GNB5: variants seen among roughly 807,000 people sequenced by gnomAD.
GNB5 encodes G protein subunit beta 5.
GNB5 carries 37 observed loss-of-function variants against 55.3 expected under a neutral mutation model. That is an observed-to-expected ratio of 0.67 (90% CI 0.51 to 0.88). GNB5 has a LOEUF of 0.88. Among genes scored for constraint, GNB5 ranks in the 40% least tolerant of loss-of-function variants. The pLI, the probability that GNB5 is intolerant of heterozygous loss-of-function variation, is 0.00. For missense variants in GNB5, 476 were observed against 515.3 expected (o/e 0.92, Z 0.74); for synonymous variants, 219 against 198.5 (o/e 1.10, Z -0.87).
chr15:52,174,842 G>C (rs894814175), intron 3 of GNB5, among the ~76,000 whole-genome samples: 6 of 152,154 alleles, frequency 3.9e-5, no homozygotes, highest in Non-Finnish European at 7.3e-5. Flanking sequence ...AGAACTTTGG[G>C]AGGCTGAGGC....
chr15:52,173,681 TGAG>T (rs2141234139), intron 3 of GNB5, among the ~76,000 whole-genome samples: 1 of 152,304 alleles, frequency 6.6e-6, no homozygotes, highest in South Asian at 2.1e-4. Context: ...TCTAGCATGG[TGAG>T]GAGGACAGCT....
intron 9 of GNB5, among the ~76,000 whole-genome samples, chr15:52,129,620 G>A (rs2033523470): frequency 6.6e-6 from 1 of 152,196 alleles, no homozygotes; most frequent in Non-Finnish European, 1.5e-5. Flanking sequence ...CATGGGCTAT[G>A]ATTTCCTTCT....
At chr15:52,180,733 TTC>T (rs1380987361) in intron 2 of GNB5, 23 of 152,226 alleles carry the variant, frequency 1.5e-4, no homozygotes, top group Non-Finnish European at 2.8e-4. Flanking sequence ...GTTTAGCGAC[TTC>T]TGTCAGACTG....
intron 1 of GNB5, among the ~76,000 whole-genome samples, chr15:52,189,324 G>A (rs979174058): frequency 2.0e-5 from 3 of 152,174 alleles, no homozygotes; most frequent in Non-Finnish European, 4.4e-5. Flanking sequence ...CTGGCTGGGC[G>A]TGGTGGCTCA....
In GNB5 at chr15:52,182,803, T is replaced by C. The variant is rs59792025; in HGVS notation, c.126+1748A>G. ...AGTAGAGATTGTATTAAAGTAATTG[T>C]GGTTTTTGCCATTGCTTTCAATTGA... On this transcript the variant is annotated intron_variant, in intron 2 of 12. Coordinates refer to ENST00000261837, the MANE Select transcript of GNB5 (RefSeq NM_016194.4). Among the ~76,000 whole-genome samples the C allele has an allele frequency of 3.1e-3, 471 of 152,302 alleles. 1 individual carries two copies. Among genetic ancestry groups the C allele is most frequent in the African/African-American group, 0.011 (449 of 41,568 alleles).
In GNB5 at chr15:52,164,239, CAG is replaced by C. The variant is rs1389256606; in HGVS notation, c.239-10165_239-10164del. On this transcript the variant is annotated intron_variant, in intron 3 of 12. Transcript: ENST00000261837. ...AGGAGAATCGCTTGAACCTGGGAGG[CAG>C]AGGTTGCAGTGAGCCGAGATGGTGC... is the stretch of plus-strand genomic sequence containing the variant. Among the ~76,000 whole-genome samples, 4 of 143,674 alleles carry C rather than the reference CAG, an allele frequency of 2.8e-5. No individual in the cohort carries two copies. The East Asian group carries it at 8.3e-4, about 30-fold the overall frequency. The allele number at this position is 143,674 out of a possible 152,430, so 94.3% of individuals were successfully genotyped here.
intron 7 of GNB5, chr15:52,137,444 T>A: frequency 9.8e-7 from 1 of 1,018,954 alleles, no homozygotes; most frequent in Non-Finnish European, 1.2e-6. Flanking sequence ...GTGAGCCCGT[T>A]CACAGGTGGG....
At chr15:52,134,436 ATG>A (rs141287992) in intron 8 of GNB5, among the ~76,000 whole-genome samples, 4,639 of 152,268 alleles carry the variant, frequency 0.03, 248 homozygotes, top group African/African-American at 0.11. Flanking sequence ...TTTACTGAAA[ATG>A]TGGGCAAAGA....
intron 2 of GNB5, among the ~76,000 whole-genome samples, chr15:52,181,399 T>C (rs1051829650): frequency 2.0e-5 from 3 of 152,202 alleles, no homozygotes; most frequent in African/African-American, 4.8e-5. Context: ...GTGTATCACC[T>C]GAGGTCAGGA....
chr15:52,174,135 A>G (rs575792684), intron 3 of GNB5, among the ~76,000 whole-genome samples: 2 of 152,322 alleles, frequency 1.3e-5, no homozygotes, highest in East Asian at 3.9e-4. Flanking sequence ...GAATCACGTG[A>G]GCCTTGGGCC....
At chr15:52,150,400 G>A (rs2034067384) in intron 4 of GNB5, among the ~76,000 whole-genome samples, 1 of 151,970 alleles carries the variant, frequency 6.6e-6, no homozygotes, top group African/African-American at 2.4e-5. Context: ...GGTCCCTGCG[G>A]CACCATCCAG....
At chr15:52,173,048 C>T (rs549973886) in intron 3 of GNB5, among the ~76,000 whole-genome samples, 2 of 152,020 alleles carry the variant, frequency 1.3e-5, no homozygotes, top group South Asian at 4.1e-4. Flanking sequence ...CTTAGCCTAG[C>T]TCACTGTTGT....
At chr15:52,179,494 T>TCC (rs1352954977) in intron 3 of GNB5, among the ~76,000 whole-genome samples, 1 of 151,270 alleles carries the variant, frequency 6.6e-6, no homozygotes, top group Non-Finnish European at 1.5e-5. Flanking sequence ...AGGCAGGTGA[T>TCC]GAGGATAGCT....
At chr15:52,180,262 C>T in intron 2 of GNB5, 1 of 156,912 alleles carries the variant, frequency 6.4e-6, no homozygotes, top group Non-Finnish European at 1.4e-5. Flanking sequence ...ACCGGTGAGG[C>T]CCCCGCGACA....
At chr15:52,126,496 T>C (rs1409216741) in intron 10 of GNB5, among the ~76,000 whole-genome samples, 6 of 152,198 alleles carry the variant, frequency 3.9e-5, no homozygotes, top group African/African-American at 1.4e-4. Flanking sequence ...GGATGTTTCA[T>C]TATTGCTTTT....
At chr15:52,181,337 C>T (rs2141241539) in intron 2 of GNB5, 1 of 152,244 alleles carries the variant, frequency 6.6e-6, no homozygotes. Flanking sequence ...TGGTGTGGGC[C>T]GGGTGCGGTG....
chr15:52,175,741 A>AAAAC (rs34147035), intron 3 of GNB5, among the ~76,000 whole-genome samples: 134,980 of 149,268 alleles, frequency 0.9, 61,527 homozygotes, highest in Non-Finnish European at 0.96. Flanking sequence ...TCCGTCTCAA[A>AAAAC]AAACAAACAA....
chr15:52,169,285 A>G (rs2034508658), intron 3 of GNB5, among the ~76,000 whole-genome samples: 1 of 150,196 alleles, frequency 6.7e-6, no homozygotes. Context: ...GCACCACTGC[A>G]CTCCAGCCTG....
intron 4 of GNB5, among the ~76,000 whole-genome samples, chr15:52,150,319 A>G (rs1269183248): frequency 6.6e-6 from 1 of 152,210 alleles, no homozygotes; most frequent in Non-Finnish European, 1.5e-5. Context: ...CCTGACAGGT[A>G]AATAATAAAT....
Sources: gnomAD v4.1 joint callset for allele counts (sites outside exome capture counted in the v4.1 genomes callset) on GRCh38, gnomAD v4.1.1 for gene constraint, MANE v1.5 for transcripts, NCBI Gene and HGNC (gene_info 2026-07-23, HGNC 2026-07-21) for gene names.